Variants in KIF21A observed in about 807,000 individuals in gnomAD.
KIF21A encodes kinesin family member 21A.
Under a neutral mutation model 202.9 loss-of-function variants are expected in KIF21A, and 114 were observed. That is an observed-to-expected ratio of 0.56 (90% CI 0.48 to 0.66). KIF21A has a LOEUF of 0.66. KIF21A is among the 30% of genes least tolerant of loss of function. The probability of loss-of-function intolerance (pLI) is 0.00; values close to 1 mark genes in which losing one functional copy is unlikely to be tolerated. For synonymous variants in KIF21A, 667 were observed against 670.8 expected, an observed-to-expected ratio of 0.99 and a Z score of 0.09; for missense variants, 1,677 against 1,994.9, an observed-to-expected ratio of 0.84 and a Z score of 3.04.
chr12:39,388,117 A>C (rs1054103123), intron 1 of KIF21A, among the ~76,000 whole-genome samples: 1 of 152,098 alleles, frequency 6.6e-6, no homozygotes. Context: ...GTTGGAGGTG[A>C]GGCTTAATAG....
At position 39,294,446 on chromosome 12, in the gene KIF21A, C is replaced by G; in HGVS notation, c.5003G>C (p.Gly1668Ala). Residue 1668 changes from glycine (G) to alanine (A), a missense_variant, in exon 38 of 38, where the codon GGG becomes GCG. Transcript: ENST00000361418. Reference protein sequence around the residue: ...DGQISDTGDLGEDIASN With the variant: ...DGQISDTGDLAEDIASN ...TGTTTAATTACTGGCAATATCTTCC[C>G]CCAGATCTCCTGTGTCAGAGATCTG... 1.9e-6 allele frequency: 3 copies of G among 1,612,932 alleles called. No homozygotes were observed. The highest frequency in any genetic ancestry group is 2.5e-6 in the Non-Finnish European group (3 of 1,178,948).
chr12:39,434,792 G>A (rs1938452648), intron 1 of KIF21A, among the ~76,000 whole-genome samples: 1 of 152,114 alleles, frequency 6.6e-6, no homozygotes, highest in Non-Finnish European at 1.5e-5. Flanking sequence ...TTAGTACCAT[G>A]TGATCAATAT....
intron 1 of KIF21A, among the ~76,000 whole-genome samples, chr12:39,407,825 CA>C (rs1460964522): frequency 6.6e-6 from 1 of 151,754 alleles, no homozygotes. Flanking sequence ...TTCCAAAAAA[CA>C]AACAAAAATC....
intron 11 of KIF21A, among the ~76,000 whole-genome samples, chr12:39,349,802 AATT>A (rs1187756769): frequency 6.6e-6 from 1 of 152,058 alleles, no homozygotes; most frequent in Non-Finnish European, 1.5e-5. Flanking sequence ...AAATACTATA[AATT>A]TTTATATGTA....
At chr12:39,353,322 G>A (rs886480470) in intron 10 of KIF21A, among the ~76,000 whole-genome samples, 2 of 152,020 alleles carry the variant, frequency 1.3e-5, no homozygotes, top group Non-Finnish European at 2.9e-5. Context: ...ACCCCACCTG[G>A]TCCTACACAT....
rs545644764 is a variant in KIF21A at position 39,365,696 on chromosome 12, T to C, written c.903+654A>G. On this transcript the variant is annotated intron_variant, in intron 6 of 37. Coordinates refer to ENST00000361418, the MANE Select transcript of KIF21A (RefSeq NM_001173464.2). ...TATCAAAAGGCTACTTTGAAGGTCT[T>C]CACCCATGAAATAACTTAATATTAA... is the stretch of plus-strand genomic sequence containing the variant. Among the ~76,000 whole-genome samples, 13 of 152,364 alleles carry C rather than the reference T, an allele frequency of 8.5e-5. 1 individual carries two copies. The highest frequency in any genetic ancestry group is 2.9e-4 in the African/African-American group (12 of 41,592).
intron 1 of KIF21A, among the ~76,000 whole-genome samples, chr12:39,375,941 T>G (rs931601549): frequency 3.3e-5 from 5 of 152,166 alleles, no homozygotes; most frequent in African/African-American, 1.2e-4. Context: ...AATGAGAGCC[T>G]ACATAGCTAT....
chr12:39,378,058 C>A (rs1950373269), intron 1 of KIF21A, among the ~76,000 whole-genome samples: 1 of 152,166 alleles, frequency 6.6e-6, no homozygotes, highest in Admixed American at 6.5e-5. Context: ...CTTCTGGCTG[C>A]AATTCTAGAC....
chr12:39,430,788 C>T (rs1276669806), intron 1 of KIF21A, among the ~76,000 whole-genome samples: 2 of 151,762 alleles, frequency 1.3e-5, no homozygotes, highest in African/African-American at 2.4e-5. Flanking sequence ...GAGGGTAGGG[C>T]CTTTGGGAGA....
At chr12:39,394,836 G>A (rs970977224) in intron 1 of KIF21A, among the ~76,000 whole-genome samples, 1 of 152,130 alleles carries the variant, frequency 6.6e-6, no homozygotes, top group East Asian at 1.9e-4. Context: ...GATGGGGGGC[G>A]GGGGAGTTCC....
intron 1 of KIF21A, among the ~76,000 whole-genome samples, chr12:39,439,826 TTC>T (rs1939317656): frequency 6.6e-6 from 1 of 152,204 alleles, no homozygotes; most frequent in Non-Finnish European, 1.5e-5. Flanking sequence ...ATGAGAATCT[TTC>T]TGTTTAACAT....
rs1953741839 is a variant in KIF21A, at chr12:39,416,765, A to ATATACATGTACATATATATGTG, written c.44+26161_44+26162insCACATATATATGTACATGTATA. Reference sequence around the variant, plus strand: ...TATATATATGTACATATATATGTGTATATATATATGTACATATATATGTGT... The same window carrying ATATACATGTACATATATATGTG: ...TATATATATGTACATATATATGTGTATATACATGTACATATATATGTGTATATATATGTACATATATATGTGT... On this transcript the variant is annotated intron_variant, in intron 1 of 37. Coordinates refer to ENST00000361418, the MANE Select transcript of KIF21A (RefSeq NM_001173464.2). 2.6e-5 allele frequency among the ~76,000 whole-genome samples: 2 copies of ATATACATGTACATATATATGTG among 75,640 alleles called. 1 individual carries two copies. Among genetic ancestry groups the ATATACATGTACATATATATGTG allele is most frequent in the African/African-American group, 1.6e-4 (2 of 12,766 alleles). The allele number at this position is 75,640 out of a possible 152,430, so 49.6% of individuals were successfully genotyped here.
In KIF21A at chr12:39,309,635, T is replaced by C. The variant is rs190902651; in HGVS notation, c.4228A>G (p.Ile1410Val). 10 of 1,612,438 alleles carry C rather than the reference T, an allele frequency of 6.2e-6. No homozygotes were observed. The Admixed American group carries it at 1.5e-4, about 24-fold the overall frequency. ...GAATCTCTGATATCCCACACCTTAA[T>C]ATAAGATGTTGATACAGTGAAGACC... The part of the protein sequence containing the change: ...SLVFTVSTSY[I>V]KVWDIRDSAK... Residue 1410 changes from isoleucine to valine, a missense_variant, in exon 33 of 38, where the codon ATT becomes GTT. Ile to Val is a conservative substitution (Grantham distance 29). Around this residue, in one of 3 missense-constraint regions of KIF21A, gnomAD observed 705 missense variants for 791.9 expected, o/e 0.89. Transcript: ENST00000361418.
intron 1 of KIF21A, among the ~76,000 whole-genome samples, chr12:39,440,921 T>C (rs1029082318): frequency 6.6e-6 from 1 of 151,858 alleles, no homozygotes; most frequent in African/African-American, 2.4e-5. Flanking sequence ...AGGCTGAGAT[T>C]AGAGGATTGC....
intron 6 of KIF21A, among the ~76,000 whole-genome samples, chr12:39,363,793 G>T (rs1211148074): frequency 6.6e-6 from 1 of 152,198 alleles, no homozygotes; most frequent in African/African-American, 2.4e-5. Flanking sequence ...CAAGGTGGGG[G>T]GATCACCTGA....
intron 1 of KIF21A, among the ~76,000 whole-genome samples, chr12:39,437,955 G>A (rs1348169586): frequency 6.6e-6 from 1 of 152,042 alleles, no homozygotes; most frequent in African/African-American, 2.4e-5. Flanking sequence ...TATATCTAGA[G>A]TTTCAACTTA....
chr12:39,382,809 T>C (rs903368984), intron 1 of KIF21A, among the ~76,000 whole-genome samples: 16 of 152,168 alleles, frequency 1.1e-4, no homozygotes, highest in Admixed American at 4.6e-4. Flanking sequence ...CAAAACAGCA[T>C]GTGGAGTGAA....
At chr12:39,389,598 T>C (rs1951199681) in intron 1 of KIF21A, among the ~76,000 whole-genome samples, 1 of 152,138 alleles carries the variant, frequency 6.6e-6, no homozygotes, top group South Asian at 2.1e-4. Context: ...ATAAAAGAAC[T>C]TTGGAAGATA....
intron 33 of KIF21A, among the ~76,000 whole-genome samples, chr12:39,308,710 A>G (rs1345089804): frequency 6.6e-6 from 1 of 152,140 alleles, no homozygotes; most frequent in Non-Finnish European, 1.5e-5. Flanking sequence ...GCCATAATCA[A>G]TCTTTTCAAA....
Sources: allele counts gnomAD v4.1 joint callset (sites outside exome capture counted in the v4.1 genomes callset), GRCh38; gene constraint gnomAD v4.1.1; regional missense constraint gnomAD v4.1.1; transcripts MANE v1.5; gene names NCBI Gene and HGNC (gene_info 2026-07-23, HGNC 2026-07-21).